Variants in IKBKE observed in about 807,000 individuals in gnomAD.
IKBKE encodes the protein inhibitor of nuclear factor kappa B kinase subunit epsilon.
A neutral mutation model predicts 92.1 loss-of-function variants in IKBKE; 45 were observed. The observed-to-expected ratio is 0.49, with a 90% confidence interval of 0.38 to 0.63. The LOEUF is 0.63. Among genes scored for constraint, IKBKE ranks in the 20% least tolerant of loss-of-function variants. The pLI, the probability that IKBKE is intolerant of heterozygous loss-of-function variation, is 0.00. For synonymous variants in IKBKE, 374 were observed against 380.3 expected (o/e 0.98, Z 0.19); for missense variants, 700 against 932.8 (o/e 0.75, Z 3.25).
At position 206,478,027 on chromosome 1, in the gene IKBKE, T is replaced by G. The variant is rs909384019; in HGVS notation, c.813-133T>G. 3.7e-6 allele frequency: 3 copies of G among 819,474 alleles called. No homozygotes were observed. In the African/African-American group the frequency reaches 5.2e-5, roughly 14 times the overall value. The allele number at this position is 819,474 out of a possible 1,614,324, so 50.8% of individuals were successfully genotyped here. A position where few individuals can be genotyped will look rare whatever the true frequency, so the allele number is the denominator to read the frequency against. On this transcript the variant is annotated intron_variant, in intron 8 of 21. Coordinates refer to ENST00000581977, the MANE Select transcript of IKBKE (RefSeq NM_014002.4). This position sits in a 1 kb window ranked among gnomAD's most constrained non-coding sequence, Gnocchi z 4.8. Reference sequence around the variant, plus strand: ...TGGAACGAGTTCTTCCAGCTCTTCCTCCCCAACCCACCCTGCCCCACCATC... The same window carrying G: ...TGGAACGAGTTCTTCCAGCTCTTCCGCCCCAACCCACCCTGCCCCACCATC...
At chr1:206,473,147 C>A (rs1664869723) in intron 2 of IKBKE, 49 bp from the exon 3 acceptor site, 1 of 1,164,402 alleles carries the variant, frequency 8.6e-7, no homozygotes, top group South Asian at 1.3e-5. Context: ...CCAGCGGCCA[C>A]CCTGTGCCAG....
In IKBKE at chr1:206,480,056, T is replaced by C. The variant is rs1553386588; in HGVS notation, c.1283T>C (p.Leu428Pro). The change falls in exon 12 of 22, where the codon CTG (leucine) becomes CCG (proline). Residue 428 changes from leucine to proline, a missense_variant. Leu to Pro is a moderately conservative substitution (Grantham distance 98, BLOSUM62 -3). Transcript: ENST00000581977. ...VLGAGYQALRLARALLDGQEL... is the reference protein window; with the variant it reads ...VLGAGYQALRPARALLDGQEL... Reference sequence around the variant, plus strand: ...GGCGCCGGCTACCAGGCCCTGCGGCTGGCACGGGCCCTGCTGGATGGGCAG... The same window carrying C: ...GGCGCCGGCTACCAGGCCCTGCGGCCGGCACGGGCCCTGCTGGATGGGCAG... 6.2e-7 allele frequency: 1 copy of C among 1,604,884 alleles called. No individual in the cohort carries two copies. The highest frequency in any genetic ancestry group is 8.5e-7 in the Non-Finnish European group (1 of 1,176,602).
intron 16 of IKBKE, among the ~76,000 whole-genome samples, chr1:206,488,781 A>G (rs922757171): frequency 6.6e-6 from 1 of 152,206 alleles, no homozygotes; most frequent in Non-Finnish European, 1.5e-5. Flanking sequence ...ACCACTGTCC[A>G]ATAGAAATAT....
At position 206,490,187 on chromosome 1, in the gene IKBKE, C is replaced by T. The variant is rs545023690; in HGVS notation, c.1694-632C>T. On this transcript the variant is annotated intron_variant, in intron 16 of 21. Transcript: ENST00000581977. The surrounding 1 kb of genome is among the most constrained non-coding windows in gnomAD (Gnocchi z 5.2). ...GAGAGGAGTGGGATGGGGAGGCCCT[C>T]GAAGTGAACCGCCATCATCATTTCA... Among the ~76,000 whole-genome samples the T allele has an allele frequency of 2.6e-5, 4 of 152,164 alleles. No homozygotes were observed. The highest frequency in any genetic ancestry group is 2.1e-4 in the South Asian group (1 of 4,830).
intron 4 of IKBKE, 70 bp downstream of exon 4, chr1:206,474,541 A>G: frequency 7.6e-6 from 11 of 1,438,928 alleles, no homozygotes; most frequent in Non-Finnish European, 1.0e-5. Flanking sequence ...ATCAGGCCAC[A>G]TGATAACAGA....
At chr1:206,472,640 C>G (rs1276806901) in intron 2 of IKBKE, among the ~76,000 whole-genome samples, 1 of 151,980 alleles carries the variant, frequency 6.6e-6, no homozygotes, top group African/African-American at 2.4e-5. Flanking sequence ...TCTCTTGGAG[C>G]AGTACTGGCC....
chr1:206,474,881 A>G lies in IKBKE; in HGVS notation c.245A>G (p.Lys82Arg), dbSNP rs956532765. 3 of 1,613,976 alleles carry G rather than the reference A, an allele frequency of 1.9e-6. No individual in the cohort carries two copies. The highest frequency in any genetic ancestry group is 1.7e-5 in the Admixed American group (1 of 60,008). The change falls in exon 5 of 22, where the codon AAG (lysine) becomes AGG (arginine). Residue 82 changes from lysine to arginine, a missense_variant. Lys to Arg is a conservative substitution (Grantham distance 26, BLOSUM62 2). Coordinates refer to ENST00000581977, the MANE Select transcript of IKBKE (RefSeq NM_014002.4). The stretch of plus-strand genomic sequence containing the variant: ...CACCCATAGGGCGGAAGCCGGCAGA[A>G]GGTACTGGTGATGGAGTACTGCTCC... ...AVEETGGSRQ[K>R]VLVMEYCSSG... is the part of the protein sequence containing the mutation.
chr1:206,478,064 T>C lies in IKBKE; in HGVS notation c.813-96T>C, dbSNP rs1203426332. 1.1e-6 allele frequency: 1 copy of C among 900,998 alleles called. No homozygotes were observed. The highest frequency in any genetic ancestry group is 1.7e-6 in the Non-Finnish European group (1 of 583,120). 55.8% of individuals were successfully genotyped at this position (900,998 alleles called of 1,614,324 possible). A position where few individuals can be genotyped will look rare whatever the true frequency, so the allele number is the denominator to read the frequency against. On this transcript the variant is annotated intron_variant, in intron 8 of 21. Transcript: ENST00000581977. The surrounding 1 kb of genome is among the most constrained non-coding windows in gnomAD (Gnocchi z 4.8). ...CCTGCCCCACCATCTTGGTCCTAGCTCTTCAGGATATTCTCTTAGAACGCT... is the reference window on the plus strand; with the variant it reads ...CCTGCCCCACCATCTTGGTCCTAGCCCTTCAGGATATTCTCTTAGAACGCT...
chr1:206,475,147 A>G, intron 5 of IKBKE, 153 bp downstream of exon 5: 1 of 780,332 alleles, frequency 1.3e-6, no homozygotes, highest in South Asian at 2.0e-5. Flanking sequence ...ACCAATGTTC[A>G]CAGCAGCATT....
In IKBKE at chr1:206,487,328, G is replaced by A. The variant is rs572514716; in HGVS notation, c.1617-586G>A. Reference sequence around the variant, plus strand: ...TCAACCCCAGAACAAGAAAGTCCTCGGGAGATCATCTCCCCAGTTCCTCCG... The same window carrying A: ...TCAACCCCAGAACAAGAAAGTCCTCAGGAGATCATCTCCCCAGTTCCTCCG... On this transcript the variant is annotated intron_variant, in intron 15 of 21. Transcript: ENST00000581977. This position sits in a 1 kb window ranked among gnomAD's most constrained non-coding sequence, Gnocchi z 5.3. 9.8e-5 allele frequency among the ~76,000 whole-genome samples: 15 copies of A among 152,308 alleles called. No individual in the cohort carries two copies. Among genetic ancestry groups the A allele is most frequent in the Non-Finnish European group, 1.5e-4 (10 of 68,014 alleles).
At position 206,490,541 on chromosome 1, in the gene IKBKE, A is replaced by T. The variant is rs1665892649; in HGVS notation, c.1694-278A>T. ...TCATCCACCAACTCCCACCTGAAGCATCCCCCACGTCCCCACCCCGGCCCT... is the reference window on the plus strand; with the variant it reads ...TCATCCACCAACTCCCACCTGAAGCTTCCCCCACGTCCCCACCCCGGCCCT... On this transcript the variant is annotated intron_variant, in intron 16 of 21. Coordinates refer to ENST00000581977, the MANE Select transcript of IKBKE (RefSeq NM_014002.4). This position sits in a 1 kb window ranked among gnomAD's most constrained non-coding sequence, Gnocchi z 5.2. Among the ~76,000 whole-genome samples the T allele has an allele frequency of 1.3e-5, 2 of 152,140 alleles. No individual in the cohort carries two copies. The highest frequency in any genetic ancestry group is 4.1e-4 in the South Asian group (2 of 4,826).
At position 206,479,084 on chromosome 1, in the gene IKBKE, C is replaced by G. The variant is rs2297542; in HGVS notation, c.1134C>G (p.Pro378=). The change falls in exon 10 of 22, where the codon CCC becomes CCG. Residue 378 remains proline, a synonymous_variant. Transcript: ENST00000581977. ...TCGCCCACACGACGGCAAGCAGCCC[C>G]CTGACCCTCTTCAGCACAGCCATCC... ...QHIAHTTASS[P]LTLFSTAIPK... 4,065 of 1,613,452 alleles carry G rather than the reference C, an allele frequency of 2.5e-3. 51 individuals carry two copies. The Admixed American group carries it at 0.034, about 13-fold the overall frequency.
chr1:206,481,359 G>C (rs559621588), intron 13 of IKBKE, among the ~76,000 whole-genome samples: 1 of 152,346 alleles, frequency 6.6e-6, no homozygotes, highest in African/African-American at 2.4e-5. Flanking sequence ...GGGAGCTCCA[G>C]GGAGTTTCCC....
intron 4 of IKBKE, 31 bp from the exon 5 acceptor site, chr1:206,474,834 C>T: frequency 1.2e-6 from 2 of 1,609,358 alleles, no homozygotes; most frequent in Non-Finnish European, 8.5e-7. Flanking sequence ...GAAGTGCCGT[C>T]CTCATGAGCC....
In IKBKE at chr1:206,476,767, C is replaced by T. The variant is rs782095657; in HGVS notation, c.630C>T (p.Thr210=). The change falls in exon 7 of 22, where the codon ACC becomes ACT. Residue 210 remains threonine (T), a synonymous_variant. Transcript: ENST00000581977. This position sits in a 1 kb window ranked among gnomAD's most constrained non-coding sequence, Gnocchi z 5.1. ...VTVDLWSIGV[T]LYHAATGSLP... ...TGGATCTCTGGAGCATTGGAGTGAC[C>T]TTGTACCATGCAGCCACTGGCAGCC... 4 of 1,614,100 alleles carry T rather than the reference C, an allele frequency of 2.5e-6. No individual in the cohort carries two copies. The East Asian group carries it at 6.7e-5, about 27-fold the overall frequency.
At position 206,495,982 on chromosome 1, in the gene IKBKE, G is replaced by GTGC. The variant is rs1440159702; in HGVS notation, c.2118-128_2118-126dup. 4.8e-6 allele frequency: 3 copies of GTGC among 620,490 alleles called. No homozygotes were observed. In the African/African-American group the frequency reaches 5.5e-5, roughly 11 times the overall value. 38.4% of individuals were successfully genotyped at this position (620,490 alleles called of 1,614,324 possible). On this transcript the variant is annotated intron_variant, in intron 21 of 21. Coordinates refer to ENST00000581977, the MANE Select transcript of IKBKE (RefSeq NM_014002.4). ...AGTGGGTTCTTGTCGGGGAGTGAGG[G>GTGC]TGCTACAAGGGGAGAGCTGAGGACT...
rs782622262 is a variant in IKBKE, at chr1:206,476,720, C to G, written c.583C>G (p.Gln195Glu). ...YERAVLRKPQ[Q>E]KAFGVTVDLW... ...GCGGGCGGTGCTTCGAAAGCCCCAG[C>G]AAAAAGCGTTCGGGGTGACTGTGGA... Residue 195 changes from glutamine (Q) to glutamate (E), a missense_variant, in exon 7 of 22, where the codon CAA becomes GAA. By Grantham distance (29) the Gln-to-Glu change is conservative. Coordinates refer to ENST00000581977, the MANE Select transcript of IKBKE (RefSeq NM_014002.4). This position sits in a 1 kb window ranked among gnomAD's most constrained non-coding sequence, Gnocchi z 5.1. 2 of 1,614,122 alleles carry G rather than the reference C, an allele frequency of 1.2e-6. No homozygotes were observed. The highest frequency in any genetic ancestry group is 1.7e-6 in the Non-Finnish European group (2 of 1,180,034).
At chr1:206,489,361 GTGTGTGTGTATATA>G (rs1254729353) in intron 16 of IKBKE, among the ~76,000 whole-genome samples, 3 of 27,490 alleles carry the variant, frequency 1.1e-4, no homozygotes, top group Non-Finnish European at 1.1e-4. Context: ...GTGTGTGTGT[GTGTGTGTGTATATA>G]TATATATATA....
intron 7 of IKBKE, among the ~76,000 whole-genome samples, chr1:206,477,173 T>A (rs1383837107): frequency 6.6e-6 from 1 of 152,080 alleles, no homozygotes; most frequent in Non-Finnish European, 1.5e-5. Context: ...AGGTGGCAGC[T>A]TCCTGTTCCC....
Sources: gnomAD v4.1 joint callset for allele counts (sites outside exome capture counted in the v4.1 genomes callset) on GRCh38, gnomAD v4.1.1 for gene constraint, Gnocchi (gnomAD v3.1) non-coding constraint, MANE v1.5 for transcripts, NCBI Gene and HGNC (gene_info 2026-07-23, HGNC 2026-07-21) for gene names.